Variants in CMSS1 observed in about 807,000 individuals in gnomAD.
CMSS1 encodes protein CMSS1.
CMSS1 carries 33 observed loss-of-function variants against 43.5 expected under a neutral mutation model. The observed-to-expected ratio is 0.76, with a 90% CI of 0.57 to 1.01. CMSS1 has a LOEUF of 1.01. Among genes scored for constraint, CMSS1 ranks in the 50% least tolerant of loss-of-function variants. The pLI, the probability that CMSS1 is intolerant of heterozygous loss-of-function variation, is 0.00. For missense variants in CMSS1, 313 were observed against 326.4 expected (o/e 0.96, Z 0.32); for synonymous variants, 115 against 117.2 (o/e 0.98, Z 0.12).
chr3:100,022,913 T>C (rs191086809), intron 1 of CMSS1, among the ~76,000 whole-genome samples: 3 of 152,312 alleles, frequency 2.0e-5, no homozygotes, highest in Non-Finnish European at 4.4e-5. Flanking sequence ...TACACTACAT[T>C]TGGCTGAAGA....
intron 1 of CMSS1, among the ~76,000 whole-genome samples, chr3:99,965,472 T>A (rs566124228): frequency 1.9e-4 from 29 of 152,342 alleles, no homozygotes; most frequent in Middle Eastern, 6.8e-3. Context: ...CCTTTGGAAT[T>A]GAGATAAATG....
chr3:99,820,548 T>C (rs530157564), intron 1 of CMSS1, among the ~76,000 whole-genome samples: 4 of 152,358 alleles, frequency 2.6e-5, no homozygotes, highest in African/African-American at 9.6e-5. Flanking sequence ...GGCCTTTGCT[T>C]TGTTCGCTGC....
chr3:99,913,296 T>C (rs905380829), intron 1 of CMSS1, among the ~76,000 whole-genome samples: 5 of 152,350 alleles, frequency 3.3e-5, no homozygotes, highest in Admixed American at 6.5e-5. Flanking sequence ...TATTTTCCAA[T>C]GCACCATTTT....
intron 1 of CMSS1, among the ~76,000 whole-genome samples, chr3:99,972,914 T>C (rs1216534807): frequency 2.6e-5 from 4 of 152,222 alleles, no homozygotes; most frequent in African/African-American, 9.6e-5. Context: ...GAGGGTTTGT[T>C]ACAAGGAAGT....
intron 1 of CMSS1, among the ~76,000 whole-genome samples, chr3:99,821,605 A>T (rs1190191324): frequency 6.6e-6 from 1 of 152,260 alleles, no homozygotes; most frequent in African/African-American, 2.4e-5. Context: ...TAGAATAATG[A>T]TGTGAAAATA....
chr3:100,015,911 TG>T (rs1710325506), intron 1 of CMSS1, among the ~76,000 whole-genome samples: 1 of 152,342 alleles, frequency 6.6e-6, no homozygotes, highest in East Asian at 1.9e-4. Flanking sequence ...GCTCAAAAAT[TG>T]TTTTTTTAAA....
At chr3:100,147,274 T>C (rs1225905307) in intron 2 of CMSS1, among the ~76,000 whole-genome samples, 49 of 147,306 alleles carry the variant, frequency 3.3e-4, no homozygotes, top group African/African-American at 1.2e-3. Context: ...TCTTTTTTTT[T>C]TTTTTTTTTT....
chr3:99,910,485 C>T (rs1285359724), intron 1 of CMSS1, among the ~76,000 whole-genome samples: 4 of 136,446 alleles, frequency 2.9e-5, no homozygotes, highest in African/African-American at 1.0e-4. Flanking sequence ...TAAACAAACA[C>T]ATGTCTTCAC....
At chr3:99,966,839 G>A (rs1035433337) in intron 1 of CMSS1, among the ~76,000 whole-genome samples, 1 of 152,160 alleles carries the variant, frequency 6.6e-6, no homozygotes, top group African/African-American at 2.4e-5. Context: ...GTACTTGAAC[G>A]ACTTAGAGAT....
chr3:100,061,958 T>C (rs567903701), intron 1 of CMSS1, among the ~76,000 whole-genome samples: 1 of 152,196 alleles, frequency 6.6e-6, no homozygotes, highest in Admixed American at 6.5e-5. Context: ...TTCACATTGT[T>C]ATGCAACCAA....
At chr3:100,014,749 AGAT>A (rs1463610010) in intron 1 of CMSS1, among the ~76,000 whole-genome samples, 1 of 147,904 alleles carries the variant, frequency 6.8e-6, no homozygotes, top group Non-Finnish European at 1.5e-5. Context: ...ACCCTTTATC[AGAT>A]GATTGGTTCA....
At chr3:100,154,322 G>T (rs534661741) in intron 2 of CMSS1, among the ~76,000 whole-genome samples, 1 of 152,146 alleles carries the variant, frequency 6.6e-6, no homozygotes, top group South Asian at 2.1e-4. Flanking sequence ...TCACATCAGA[G>T]CAGAACATGT....
chr3:99,992,440 C>T (rs750036660), intron 1 of CMSS1, among the ~76,000 whole-genome samples: 5 of 151,924 alleles, frequency 3.3e-5, no homozygotes, highest in African/African-American at 4.8e-5. Context: ...AGAATTTTTT[C>T]ATGTTTGTTG....
intron 4 of CMSS1, 104 bp downstream of exon 4, chr3:100,162,536 G>GAGCCACCATGCCC: frequency 1.6e-6 from 2 of 1,252,890 alleles, no homozygotes; most frequent in Non-Finnish European, 2.2e-6. Context: ...CAGCGGGCAT[G>GAGCCACCATGCCC]GTGGCTCATG....
intron 1 of CMSS1, among the ~76,000 whole-genome samples, chr3:99,843,355 A>G (rs984803613): frequency 1.3e-5 from 2 of 152,190 alleles, no homozygotes; most frequent in African/African-American, 4.8e-5. Context: ...ACCCAATAAA[A>G]TGGAAGTTTT....
At chr3:99,886,038 A>T (rs1705883870) in intron 1 of CMSS1, among the ~76,000 whole-genome samples, 1 of 152,266 alleles carries the variant, frequency 6.6e-6, no homozygotes, top group Non-Finnish European at 1.5e-5. Context: ...TTGAGTGGAT[A>T]AAAGAGGTAT....
chr3:100,166,455 AT>A, intron 5 of CMSS1, 61 bp downstream of exon 5: 1 of 1,183,572 alleles, frequency 8.4e-7, no homozygotes, highest in Non-Finnish European at 1.2e-6. Flanking sequence ...GGTTTTGGGA[AT>A]TTAGGTTTTG....
chr3:100,084,026 C>T (rs187989124), intron 1 of CMSS1, among the ~76,000 whole-genome samples: 1 of 152,240 alleles, frequency 6.6e-6, no homozygotes, highest in Admixed American at 6.5e-5. Flanking sequence ...TTATTTCTTC[C>T]TTTCATAAAA....
intron 1 of CMSS1, among the ~76,000 whole-genome samples, chr3:100,027,670 T>C (rs552738560): frequency 3.0e-4 from 46 of 152,200 alleles, no homozygotes; most frequent in African/African-American, 1.1e-3. Flanking sequence ...ATATGGAAAA[T>C]GTTGTGTGAA....
Sources: allele counts gnomAD v4.1 joint callset (sites outside exome capture counted in the v4.1 genomes callset), GRCh38; gene constraint gnomAD v4.1.1; transcripts MANE v1.5; gene names NCBI Gene and HGNC (gene_info 2026-07-23, HGNC 2026-07-21).